MAGI2: variants seen among roughly 807,000 people sequenced by gnomAD.
MAGI2 encodes the protein membrane-associated guanylate kinase, WW and PDZ domain-containing protein 2.
In MAGI2, 35 loss-of-function variants were observed where a neutral mutation model predicts 133.3. That is an observed-to-expected ratio of 0.26 (90% confidence interval 0.20 to 0.35). MAGI2 has a LOEUF of 0.35. MAGI2 is among the 10% of genes least tolerant of loss of function. The pLI is 1.00. For missense variants in MAGI2, 1,636 were observed against 1,863.4 expected (o/e 0.88, Z 2.25); for synonymous variants, 729 against 710.6 (o/e 1.03, Z -0.41).
At chr7:78,523,963 C>T (rs564771009) in intron 3 of MAGI2, among the ~76,000 whole-genome samples, 53 of 152,124 alleles carry the variant, frequency 3.5e-4, no homozygotes, top group Non-Finnish European at 6.5e-4. Context: ...GATGGTTCTA[C>T]TAACAAAGGG....
intron 9 of MAGI2, among the ~76,000 whole-genome samples, chr7:78,322,491 T>C (rs1415402511): frequency 2.0e-5 from 3 of 152,170 alleles, no homozygotes; most frequent in African/African-American, 7.2e-5. Flanking sequence ...ACCATCGTTC[T>C]CAGCAAACTA....
intron 1 of MAGI2, among the ~76,000 whole-genome samples, chr7:79,087,389 T>C (rs1271075492): frequency 6.6e-6 from 1 of 151,962 alleles, no homozygotes; most frequent in African/African-American, 2.4e-5. Flanking sequence ...TTAAAATCAT[T>C]CCTGTAGTCA....
chr7:78,328,805 T>C (rs798309), intron 9 of MAGI2, among the ~76,000 whole-genome samples: 78,171 of 151,562 alleles, frequency 0.52, 20,695 homozygotes, highest in African/African-American at 0.58. Flanking sequence ...TTTCCCACCA[T>C]CCCCCATAGT....
chr7:78,788,916 T>A (rs1583895655), intron 2 of MAGI2, among the ~76,000 whole-genome samples: 1 of 152,160 alleles, frequency 6.6e-6, no homozygotes, highest in Non-Finnish European at 1.5e-5. Flanking sequence ...GTGTGGCTCG[T>A]CTGCCTCTGT....
At chr7:78,133,839 TTTCTC>T (rs1201852106) in intron 17 of MAGI2, among the ~76,000 whole-genome samples, 1 of 152,186 alleles carries the variant, frequency 6.6e-6, no homozygotes, top group African/African-American at 2.4e-5. Flanking sequence ...GCCATTTTCT[TTTCTC>T]TCTCTCTTTT....
chr7:79,357,531 G>A (rs548740999), intron 1 of MAGI2, among the ~76,000 whole-genome samples: 1 of 152,202 alleles, frequency 6.6e-6, no homozygotes, highest in South Asian at 2.1e-4. Context: ...TTTAATTTTA[G>A]ATACAAAAAA....
intron 3 of MAGI2, among the ~76,000 whole-genome samples, chr7:78,583,701 A>AT (rs1290260960): frequency 1.3e-5 from 2 of 152,264 alleles, no homozygotes; most frequent in Middle Eastern, 3.4e-3. Flanking sequence ...GGTGACAGTA[A>AT]TGATATTATC....
chr7:78,485,380 G>C lies in MAGI2; in HGVS notation c.1045+4381C>G, dbSNP rs74420887. ...AAATGCACAGAACATAATGACTTCA[G>C]TATTTCCAACCCTATTGTGAGAGAA... On this transcript the variant is annotated intron_variant, in intron 6 of 21. Transcript: ENST00000354212. The C allele has an allele frequency of 1.3e-4, 20 of 152,136 alleles. No individual in the cohort carries two copies. In the East Asian group the frequency reaches 3.9e-3, roughly 30 times the overall value. The allele number at this position is 152,136 out of a possible 1,614,324, so 9.4% of individuals were successfully genotyped here. A position where few individuals can be genotyped will look rare whatever the true frequency, so the allele number is the denominator to read the frequency against.
intron 9 of MAGI2, among the ~76,000 whole-genome samples, chr7:78,299,880 G>A (rs1025880467): frequency 2.0e-5 from 3 of 152,044 alleles, no homozygotes; most frequent in South Asian, 4.1e-4. Context: ...CAATTAAGAA[G>A]TATATAAAAA....
intron 13 of MAGI2, among the ~76,000 whole-genome samples, chr7:78,180,109 G>T (rs1827053736): frequency 6.6e-6 from 1 of 152,166 alleles, no homozygotes; most frequent in African/African-American, 2.4e-5. Flanking sequence ...CTTTAAGCTG[G>T]GAGGAACTCT....
intron 1 of MAGI2, among the ~76,000 whole-genome samples, chr7:79,429,183 C>T (rs916857931): frequency 1.3e-5 from 2 of 152,050 alleles, no homozygotes; most frequent in Non-Finnish European, 1.5e-5. Flanking sequence ...AGCTTTTGAT[C>T]TTTTCCATTT....
At chr7:79,031,461 A>G (rs546955486) in intron 1 of MAGI2, among the ~76,000 whole-genome samples, 28 of 152,324 alleles carry the variant, frequency 1.8e-4, no homozygotes, top group African/African-American at 6.7e-4. Flanking sequence ...GCATAACAGT[A>G]ATAATATCAC....
intron 20 of MAGI2, among the ~76,000 whole-genome samples, chr7:78,112,041 T>C (rs1355664462): frequency 6.6e-6 from 1 of 152,244 alleles, no homozygotes; most frequent in Non-Finnish European, 1.5e-5. Context: ...TCTTCTCTCA[T>C]GCTTTTGATT....
At chr7:78,472,248 T>C (rs1791286369) in intron 6 of MAGI2, among the ~76,000 whole-genome samples, 1 of 152,144 alleles carries the variant, frequency 6.6e-6, no homozygotes, top group African/African-American at 2.4e-5. Flanking sequence ...GTCTTAAAAC[T>C]GCTATCTCAC....
chr7:78,040,423 T>G (rs971683686), intron 21 of MAGI2, among the ~76,000 whole-genome samples: 1 of 152,164 alleles, frequency 6.6e-6, no homozygotes, highest in East Asian at 1.9e-4. Context: ...GCGGGTTCCC[T>G]TCTCGCCGCG....
intron 1 of MAGI2, among the ~76,000 whole-genome samples, chr7:79,178,477 C>T (rs1302394942): frequency 2.0e-5 from 3 of 151,726 alleles, no homozygotes; most frequent in Non-Finnish European, 2.9e-5. Context: ...TTTGGGAGGC[C>T]GAGATGTGTG....
intron 1 of MAGI2, chr7:79,124,918 T>C: frequency 3.5e-6 from 1 of 282,044 alleles, no homozygotes; most frequent in South Asian, 4.0e-5. Context: ...TTGTCACAAA[T>C]GCCACTGTAG....
chr7:78,639,972 G>C (rs924800356), intron 2 of MAGI2, among the ~76,000 whole-genome samples: 1 of 152,194 alleles, frequency 6.6e-6, no homozygotes, highest in East Asian at 1.9e-4. Context: ...AAAAGCGGGG[G>C]TGCAGGAGGC....
intron 1 of MAGI2, among the ~76,000 whole-genome samples, chr7:79,031,018 C>A (rs1810517634): frequency 6.6e-6 from 1 of 152,140 alleles, no homozygotes; most frequent in African/African-American, 2.4e-5. Context: ...TACATCTGAA[C>A]AACTAGCACC....
Sources: allele counts gnomAD v4.1 joint callset (sites outside exome capture counted in the v4.1 genomes callset), GRCh38; gene constraint gnomAD v4.1.1; transcripts MANE v1.5; gene names NCBI Gene and HGNC (gene_info 2026-07-23, HGNC 2026-07-21).